The following PCDH9 variants were observed in gnomAD, a reference collection of about 807,000 sequenced individuals.
PCDH9 encodes the protein protocadherin-9.
A neutral mutation model predicts 70.6 loss-of-function variants in PCDH9; 24 were observed. The ratio of observed to expected loss-of-function variants is 0.34; its 90% CI spans 0.25 to 0.48. The LOEUF is 0.48. Among genes scored for constraint, PCDH9 ranks in the 20% least tolerant of loss-of-function variants. PCDH9 has a pLI of 0.99. For missense variants in PCDH9, 1,281 were observed against 1,503.6 expected, an observed-to-expected ratio of 0.85 and a Z score of 2.45; for synonymous variants, 562 against 558.5, an observed-to-expected ratio of 1.01 and a Z score of -0.09.
At chr13:66,316,741 G>A (rs772187933) in intron 4 of PCDH9, among the ~76,000 whole-genome samples, 1 of 151,626 alleles carries the variant, frequency 6.6e-6, no homozygotes, top group Non-Finnish European at 1.5e-5. Context: ...TTTTCTTTTC[G>A]AGACAGATTC....
At chr13:66,562,672 G>A (rs1036985231) in intron 4 of PCDH9, among the ~76,000 whole-genome samples, 1 of 152,094 alleles carries the variant, frequency 6.6e-6, no homozygotes, top group African/African-American at 2.4e-5. Flanking sequence ...GTCCCTCCCA[G>A]GATACATGAG....
intron 3 of PCDH9, among the ~76,000 whole-genome samples, chr13:66,850,521 G>A (rs202095547): frequency 1.4e-3 from 202 of 141,826 alleles, no homozygotes; most frequent in Non-Finnish European, 1.7e-3. Context: ...CAAAAAAACA[G>A]AAAAAAAAAA....
chr13:66,792,477 C>G (rs1176686790), intron 3 of PCDH9, among the ~76,000 whole-genome samples: 1 of 151,986 alleles, frequency 6.6e-6, no homozygotes, highest in African/African-American at 2.4e-5. Context: ...TGAGACCACC[C>G]CGACCAACAT....
In PCDH9 at chr13:67,187,618, GATT is replaced by G. The variant is rs1414533075; in HGVS notation, c.3036+37784_3036+37786del. ...ATCACAAATATTATCACAGTTCTAT[GATT>G]ATTGATTGTAATAAAATTTAGAAAT... On this transcript the variant is annotated intron_variant, in intron 2 of 4. Transcript: ENST00000377865. 2.6e-5 allele frequency among the ~76,000 whole-genome samples: 4 copies of G among 152,028 alleles called. No individual in the cohort carries two copies. In the South Asian group the frequency reaches 6.2e-4, roughly 24 times the overall value.
chr13:66,425,838 A>G (rs1183130032), intron 4 of PCDH9, among the ~76,000 whole-genome samples: 1 of 151,696 alleles, frequency 6.6e-6, no homozygotes, highest in East Asian at 1.9e-4. Context: ...CAGATTGGGG[A>G]CAAACTGTCC....
intron 4 of PCDH9, among the ~76,000 whole-genome samples, chr13:66,515,601 C>CAGT (rs539249424): frequency 3.3e-5 from 5 of 151,800 alleles, no homozygotes; most frequent in Non-Finnish European, 5.9e-5. Flanking sequence ...GAAGCAAATA[C>CAGT]AGTAAAATGT....
chr13:66,980,071 T>C (rs962170476), intron 2 of PCDH9, among the ~76,000 whole-genome samples: 1 of 145,634 alleles, frequency 6.9e-6, no homozygotes, highest in Non-Finnish European at 1.5e-5. Flanking sequence ...TAACTTAAAT[T>C]ATCCATCTCT....
At chr13:66,636,235 C>T (rs2077635365) in intron 3 of PCDH9, among the ~76,000 whole-genome samples, 1 of 152,034 alleles carries the variant, frequency 6.6e-6, no homozygotes. Flanking sequence ...TAAAACATAT[C>T]CCAATTTTTA....
At chr13:66,854,499 C>G (rs2081363042) in intron 3 of PCDH9, among the ~76,000 whole-genome samples, 1 of 152,090 alleles carries the variant, frequency 6.6e-6, no homozygotes, top group Non-Finnish European at 1.5e-5. Context: ...TATTCACAGA[C>G]ATGTAGAGCT....
At chr13:67,135,095 C>T (rs772774912) in intron 2 of PCDH9, among the ~76,000 whole-genome samples, 3 of 151,878 alleles carry the variant, frequency 2.0e-5, no homozygotes, top group Non-Finnish European at 4.4e-5. Context: ...TTTATGATAC[C>T]ATTATTTATA....
chr13:66,503,100 C>T lies in PCDH9; in HGVS notation c.3340+128110G>A, dbSNP rs7992134. Among the ~76,000 whole-genome samples the T allele has an allele frequency of 7.0e-3, 1,073 of 152,228 alleles. 13 individuals are homozygous for T. Among genetic ancestry groups the T allele is most frequent in the African/African-American group, 0.025 (1,045 of 41,532 alleles). On this transcript the variant is annotated intron_variant, in intron 4 of 4. Transcript: ENST00000377865. ...TATAATTAAATAAAAAATACAGAAC[C>T]AGTCAATACTTTCCCCAAACATGCT...
intron 4 of PCDH9, among the ~76,000 whole-genome samples, chr13:66,626,420 T>C (rs1165005817): frequency 2.0e-5 from 3 of 152,132 alleles, no homozygotes; most frequent in African/African-American, 4.8e-5. Context: ...ACCTTCCCTA[T>C]GGCATGAGGT....
intron 4 of PCDH9, among the ~76,000 whole-genome samples, chr13:66,436,056 C>G (rs1957863793): frequency 6.6e-6 from 1 of 151,994 alleles, no homozygotes; most frequent in African/African-American, 2.4e-5. Context: ...TAATAAATCT[C>G]AATTTACTAG....
rs574335646 is a variant in PCDH9 at position 66,850,095 on chromosome 13, A to G, written c.3138+53409T>C. 3.9e-5 allele frequency among the ~76,000 whole-genome samples: 6 copies of G among 152,268 alleles called. No homozygotes were observed. In the East Asian group the frequency reaches 1.2e-3, roughly 29 times the overall value. On this transcript the variant is annotated intron_variant, in intron 3 of 4. Coordinates refer to ENST00000377865, the MANE Select transcript of PCDH9 (RefSeq NM_203487.3). ...ATAATAATACAATTATTGTTGTATT[A>G]TAATATTACAACAATAATTTTGTGC...
In PCDH9 at chr13:66,343,384, TA is replaced by T. The variant is rs1366128682; in HGVS notation, c.3341-38357del. On this transcript the variant is annotated intron_variant, in intron 4 of 4. Transcript: ENST00000377865. ...CATTCCTTTCTAGAGGTTCTGGAGA[TA>T]AATCTGCTTATCAGCATATTCAAAC... 4.3e-4 allele frequency among the ~76,000 whole-genome samples: 66 copies of T among 152,310 alleles called. 1 individual carries two copies. The highest frequency in any genetic ancestry group is 7.3e-5 in the Non-Finnish European group (5 of 68,034).
intron 3 of PCDH9, among the ~76,000 whole-genome samples, chr13:66,761,880 G>C (rs1854890970): frequency 6.6e-6 from 1 of 151,906 alleles, no homozygotes; most frequent in Non-Finnish European, 1.5e-5. Context: ...CATCTCTTTA[G>C]GATCAGTTAC....
At chr13:66,418,769 A>G (rs936548576) in intron 4 of PCDH9, among the ~76,000 whole-genome samples, 5 of 152,184 alleles carry the variant, frequency 3.3e-5, no homozygotes, top group East Asian at 1.9e-4. Flanking sequence ...AGAGACACAA[A>G]AAGACCTTCA....
rs1421155430 is a variant in PCDH9, at chr13:66,981,363, G to A, written c.3037-77758C>T. 9.3e-5 allele frequency among the ~76,000 whole-genome samples: 14 copies of A among 151,126 alleles called. 1 individual carries two copies. Among genetic ancestry groups the A allele is most frequent in the Admixed American group, 9.2e-4 (14 of 15,182 alleles). ...TGAGGCAGGAGAATGGCGTGAACCC[G>A]GGAGGCGGAGGTTGCAATGAGCCGA... On this transcript the variant is annotated intron_variant, in intron 2 of 4. Transcript: ENST00000377865.
At chr13:66,885,676 A>C (rs2081993226) in intron 3 of PCDH9, among the ~76,000 whole-genome samples, 1 of 152,128 alleles carries the variant, frequency 6.6e-6, no homozygotes, top group African/African-American at 2.4e-5. Flanking sequence ...CTTTTAGTTT[A>C]ATAAAGGCCT....
Sources: allele counts gnomAD v4.1 joint callset (sites outside exome capture counted in the v4.1 genomes callset), GRCh38; gene constraint gnomAD v4.1.1; transcripts MANE v1.5; gene names NCBI Gene and HGNC (gene_info 2026-07-23, HGNC 2026-07-21).